The following ADGRL3 variants were observed in gnomAD, a reference collection of about 807,000 sequenced individuals.
The protein encoded by ADGRL3 is adhesion G protein-coupled receptor L3, also known as calcium-independent alpha-latrotoxin receptor 3.
In ADGRL3, 62 loss-of-function variants were observed where a neutral mutation model predicts 153.5. The ratio of observed to expected loss-of-function variants is 0.40; its 90% CI spans 0.33 to 0.50. The LOEUF is 0.50. Among genes scored for constraint, ADGRL3 ranks in the 20% least tolerant of loss-of-function variants. The pLI is 0.47. For missense variants in ADGRL3, 1,641 were observed against 1,859.4 expected (o/e 0.88, Z 2.16); for synonymous variants, 710 against 672.5 (o/e 1.06, Z -0.86).
At chr4:61,418,771 T>G (rs1247393192) in intron 2 of ADGRL3, among the ~76,000 whole-genome samples, 1 of 150,766 alleles carries the variant, frequency 6.6e-6, no homozygotes, top group Non-Finnish European at 1.5e-5. Context: ...TGTGGCATGG[T>G]ACTTAATATT....
chr4:61,312,741 G>T (rs1331103870), intron 1 of ADGRL3, among the ~76,000 whole-genome samples: 2 of 152,176 alleles, frequency 1.3e-5, no homozygotes, highest in African/African-American at 4.8e-5. Flanking sequence ...AAATGTTGGT[G>T]AAGATATGGA....
chr4:61,869,611 A>G (rs558446113), intron 9 of ADGRL3, among the ~76,000 whole-genome samples: 182 of 151,990 alleles, frequency 1.2e-3, no homozygotes, highest in Non-Finnish European at 2.0e-3. Context: ...TCTCAAAAAA[A>G]GAAAAACAAA....
At chr4:61,362,755 C>G (rs1232488311) in intron 1 of ADGRL3, among the ~76,000 whole-genome samples, 1 of 151,722 alleles carries the variant, frequency 6.6e-6, no homozygotes, top group African/African-American at 2.4e-5. Flanking sequence ...GAAGAAAATC[C>G]CAGTTATTAT....
At chr4:61,784,734 A>T (rs2097257656) in intron 8 of ADGRL3, among the ~76,000 whole-genome samples, 1 of 152,096 alleles carries the variant, frequency 6.6e-6, no homozygotes, top group Non-Finnish European at 1.5e-5. Context: ...TCAAAATGTG[A>T]GAGTTGGTTC....
chr4:61,405,624 G>A (rs1271761105), intron 2 of ADGRL3, among the ~76,000 whole-genome samples: 1 of 151,786 alleles, frequency 6.6e-6, no homozygotes, highest in Non-Finnish European at 1.5e-5. Context: ...AAAATTATAT[G>A]CTAAATATTA....
chr4:61,543,765 G>A (rs2098701522), intron 4 of ADGRL3, among the ~76,000 whole-genome samples: 1 of 152,154 alleles, frequency 6.6e-6, no homozygotes, highest in Admixed American at 6.5e-5. Context: ...AGGTGGTGGT[G>A]TGCTATTCAT....
At chr4:61,237,823 T>C (rs1753411281) in intron 1 of ADGRL3, among the ~76,000 whole-genome samples, 1 of 152,204 alleles carries the variant, frequency 6.6e-6, no homozygotes, top group Non-Finnish European at 1.5e-5. Context: ...CCAGGTGATA[T>C]TGTCATTTTG....
intron 1 of ADGRL3, among the ~76,000 whole-genome samples, chr4:61,358,475 T>G (rs2096223534): frequency 6.6e-6 from 1 of 151,614 alleles, no homozygotes; most frequent in Non-Finnish European, 1.5e-5. Context: ...CGGGCGCCTG[T>G]AGTCCCAGCT....
At chr4:62,059,723 A>G (rs1739041906) in intron 25 of ADGRL3, among the ~76,000 whole-genome samples, 1 of 152,190 alleles carries the variant, frequency 6.6e-6, no homozygotes, top group African/African-American at 2.4e-5. Context: ...TACCAAAGCC[A>G]CATGGCTGAG....
At position 61,880,595 on chromosome 4, in the gene ADGRL3, G is replaced by C. The variant is rs1482868104; in HGVS notation, c.1481-12061G>C. On this transcript the variant is annotated intron_variant, in intron 9 of 26. Coordinates refer to ENST00000683033, the MANE Select transcript of ADGRL3 (RefSeq NM_001387552.1). ...TCTATTGAGTACTTACTACAAGGCA[G>C]GTAGTATAAGGAAAACAAAGTGGAA... Among the ~76,000 whole-genome samples the C allele has an allele frequency of 3.9e-5, 6 of 152,218 alleles. No homozygotes were observed. In the South Asian group the frequency reaches 8.3e-4, roughly 21 times the overall value.
intron 3 of ADGRL3, among the ~76,000 whole-genome samples, chr4:61,501,213 A>G (rs184292729): frequency 1.3e-5 from 2 of 152,326 alleles, no homozygotes; most frequent in African/African-American, 4.8e-5. Flanking sequence ...AGATGTACTA[A>G]AGACAGGACA....
At chr4:61,542,058 T>C (rs572818988) in intron 4 of ADGRL3, among the ~76,000 whole-genome samples, 141 of 152,196 alleles carry the variant, frequency 9.3e-4, no homozygotes, top group Non-Finnish European at 1.6e-3. Flanking sequence ...TTCCTGATAA[T>C]TTTTAATCTA....
intron 5 of ADGRL3, among the ~76,000 whole-genome samples, chr4:61,641,543 T>A (rs1369815440): frequency 1.3e-5 from 2 of 151,060 alleles, no homozygotes; most frequent in South Asian, 2.1e-4. Context: ...AGTGTTTGGT[T>A]TTTTGTTCTT....
intron 11 of ADGRL3, among the ~76,000 whole-genome samples, chr4:61,907,239 A>G (rs752214673): frequency 2.0e-5 from 3 of 152,026 alleles, no homozygotes; most frequent in Middle Eastern, 3.4e-3. Context: ...AAATGCTTGT[A>G]TATATTTTTT....
chr4:61,992,450 C>T (rs2099106878), intron 19 of ADGRL3, among the ~76,000 whole-genome samples: 1 of 152,066 alleles, frequency 6.6e-6, no homozygotes, highest in African/African-American at 2.4e-5. Context: ...AGGAATCATG[C>T]AAATTTTTAA....
intron 5 of ADGRL3, among the ~76,000 whole-genome samples, chr4:61,636,274 C>T (rs1175194997): frequency 1.3e-5 from 2 of 151,876 alleles, no homozygotes; most frequent in Non-Finnish European, 2.9e-5. Flanking sequence ...AATCCTTTGC[C>T]AAGAAAGAAG....
intron 2 of ADGRL3, among the ~76,000 whole-genome samples, chr4:61,407,027 G>C (rs2097009345): frequency 2.0e-5 from 3 of 151,940 alleles, no homozygotes; most frequent in Non-Finnish European, 4.4e-5. Context: ...ATTTGTATAG[G>C]TCTTATTGCA....
intron 11 of ADGRL3, among the ~76,000 whole-genome samples, chr4:61,901,251 G>C (rs1306775134): frequency 6.6e-6 from 1 of 152,126 alleles, no homozygotes; most frequent in African/African-American, 2.4e-5. Context: ...TTGTATACAA[G>C]TTACTGATAG....
At chr4:61,563,141 C>G (rs958373023) in intron 4 of ADGRL3, among the ~76,000 whole-genome samples, 4 of 151,992 alleles carry the variant, frequency 2.6e-5, no homozygotes, top group Non-Finnish European at 5.9e-5. Flanking sequence ...ATTACTCGAT[C>G]TATAGACTGG....
Sources: allele counts gnomAD v4.1 joint callset (sites outside exome capture counted in the v4.1 genomes callset), GRCh38; gene constraint gnomAD v4.1.1; transcripts MANE v1.5; gene names NCBI Gene and HGNC (gene_info 2026-07-23, HGNC 2026-07-21).